Variants in DHX36 observed in about 807,000 individuals in gnomAD.
DHX36 encodes DEAH-box helicase 36, also known as ATP-dependent DNA/RNA helicase DHX36.
A neutral mutation model predicts 139.0 loss-of-function variants in DHX36; 50 were observed. That is an observed-to-expected ratio of 0.36 (90% CI 0.29 to 0.46). The LOEUF (loss-of-function observed/expected upper bound fraction) is 0.46, where lower values mean the gene tolerates loss of function less well. DHX36 is among the 20% of genes least tolerant of loss of function. DHX36 has a pLI of 1.00. For missense variants in DHX36, 1,024 were observed against 1,211.3 expected, an observed-to-expected ratio of 0.85 and a Z score of 2.29; for synonymous variants, 425 against 401.9, an observed-to-expected ratio of 1.06 and a Z score of -0.69.
At chr3:154,277,989 A>T (rs1291806411) in intron 22 of DHX36, 1 of 238,524 alleles carries the variant, frequency 4.2e-6, no homozygotes, top group African/African-American at 2.2e-5. Context: ...TGCAGGTATA[A>T]TTACTCAACA....
chr3:154,282,128 T>C (rs1311373142), intron 20 of DHX36, among the ~76,000 whole-genome samples: 1 of 152,180 alleles, frequency 6.6e-6, no homozygotes, highest in African/African-American at 2.4e-5. Context: ...CATTTCATTA[T>C]TTCCATTTCA....
At chr3:154,322,987 C>T (rs1254404072) in intron 1 of DHX36, among the ~76,000 whole-genome samples, 1 of 152,098 alleles carries the variant, frequency 6.6e-6, no homozygotes, top group African/African-American at 2.4e-5. Flanking sequence ...CCCCAAAACA[C>T]CTGAATGAAC....
intron 12 of DHX36, among the ~76,000 whole-genome samples, chr3:154,298,433 C>T (rs1712129448): frequency 6.6e-6 from 1 of 151,930 alleles, no homozygotes; most frequent in African/African-American, 2.4e-5. Context: ...AGTTATCACA[C>T]AAAAAGAAAA....
At chr3:154,293,988 A>G (rs1462729202) in intron 13 of DHX36, among the ~76,000 whole-genome samples, 176 bp from the exon 14 acceptor site, 1 of 152,226 alleles carries the variant, frequency 6.6e-6, no homozygotes, top group Non-Finnish European at 1.5e-5. Context: ...TTTCAATATT[A>G]CAAAATTATC....
Position 154,272,643 on chromosome 3 carries a change from A to T in DHX36, c.*3528T>A, listed in dbSNP as rs1435039736. 1 of 151,784 alleles carries T rather than the reference A, an allele frequency of 6.6e-6. No individual in the cohort carries two copies. The highest frequency in any genetic ancestry group is 1.5e-5 in the Non-Finnish European group (1 of 67,934). The allele number at this position is 151,784 out of a possible 1,614,324, so 9.4% of individuals were successfully genotyped here. ...TATATCAAAATGGAACAATGGTAAC[A>T]TGATTTACTTTGCTACATTTCCAAA... On this transcript the variant is annotated 3_prime_UTR_variant, in exon 25 of 25. Transcript: ENST00000496811.
intron 14 of DHX36, among the ~76,000 whole-genome samples, chr3:154,293,292 A>T (rs1341805263): frequency 6.6e-6 from 1 of 152,166 alleles, no homozygotes; most frequent in Non-Finnish European, 1.5e-5. Flanking sequence ...AAACCCCCAC[A>T]AAACTGGCCA....
In DHX36 at chr3:154,277,049, C is replaced by A. The variant is rs1041756284; in HGVS notation, c.2689-150G>T. On this transcript the variant is annotated intron_variant, in intron 23 of 24. Transcript: ENST00000496811. ...AATTACAGAGATTTGTAAGAAATACCATTTTAAATGAGCCATCTTCATTAT... is the reference window on the plus strand; with the variant it reads ...AATTACAGAGATTTGTAAGAAATACAATTTTAAATGAGCCATCTTCATTAT... 8.4e-6 allele frequency: 6 copies of A among 712,574 alleles called. No individual in the cohort carries two copies. In the Admixed American group the frequency reaches 2.2e-4, roughly 27 times the overall value. 44.1% of individuals were successfully genotyped at this position (712,574 alleles called of 1,614,324 possible).
chr3:154,289,820 T>C lies in DHX36; in HGVS notation c.1821A>G (p.Gln607=), dbSNP rs772959037. 6.3e-7 allele frequency: 1 copy of C among 1,577,684 alleles called. No individual in the cohort carries two copies. The highest frequency in any genetic ancestry group is 1.4e-5 in the African/African-American group (1 of 72,902). The change falls in exon 16 of 25, where the codon CAA becomes CAG. Residue 607 remains glutamine, a synonymous_variant. Coordinates refer to ENST00000496811, the MANE Select transcript of DHX36 (RefSeq NM_020865.3). ...KQRKGRAGRV[Q]PGHCYHLYNG... The stretch of plus-strand genomic sequence containing the variant: ...TATACAGATGATAGCAATGACCAGG[T>C]TGAACTCTTAAAAAAAAAACAAAAC...
chr3:154,322,272 G>A (rs973031044), intron 1 of DHX36, among the ~76,000 whole-genome samples: 1 of 152,220 alleles, frequency 6.6e-6, no homozygotes, highest in Non-Finnish European at 1.5e-5. Flanking sequence ...AGATGCAACT[G>A]AAATATATCA....
chr3:154,276,734 T>C lies in DHX36; in HGVS notation c.2841+13A>G. 1 of 1,612,600 alleles carries C rather than the reference T, an allele frequency of 6.2e-7. No homozygotes were observed. The highest frequency in any genetic ancestry group is 8.5e-7 in the Non-Finnish European group (1 of 1,179,122). On this transcript the variant is annotated intron_variant, in intron 24 of 24. Coordinates refer to ENST00000496811, the MANE Select transcript of DHX36 (RefSeq NM_020865.3). ...TACATGTAGATTTAAGATAATCACATAAAGTCAGTCACCTTAACAAGATGG... is the reference window on the plus strand; with the variant it reads ...TACATGTAGATTTAAGATAATCACACAAAGTCAGTCACCTTAACAAGATGG...
Position 154,273,550 on chromosome 3 carries a change from G to GA in DHX36, c.*2620dup, listed in dbSNP as rs1719057392. The GA allele has an allele frequency of 6.6e-6, 1 of 152,214 alleles. No homozygotes were observed. The highest frequency in any genetic ancestry group is 2.4e-5 in the African/African-American group (1 of 41,462). The allele number at this position is 152,214 out of a possible 1,614,324, so 9.4% of individuals were successfully genotyped here. A position where few individuals can be genotyped will look rare whatever the true frequency, so the allele number is the denominator to read the frequency against. On this transcript the variant is annotated 3_prime_UTR_variant, in exon 25 of 25. Transcript: ENST00000496811. ...ACAAACAGAAACTCTTACAGAGCAA[G>GA]AAAGACCAGATGGTCACCTCGACGT...
At chr3:154,292,434 G>T in intron 15 of DHX36, 117 bp downstream of exon 15, 2 of 1,406,272 alleles carry the variant, frequency 1.4e-6, no homozygotes, top group Non-Finnish European at 2.0e-6. Flanking sequence ...TTTGCAATAA[G>T]CTCAAAATAA....
intron 11 of DHX36, 119 bp downstream of exon 11, chr3:154,300,475 T>C: frequency 1.3e-6 from 1 of 773,696 alleles, no homozygotes; most frequent in Non-Finnish European, 2.1e-6. Flanking sequence ...ATTTCTAGTA[T>C]CAAAAGTAAT....
chr3:154,305,141 G>C lies in DHX36; in HGVS notation c.921C>G (p.Ile307Met). ...QSRLPRKQGSILYCTTGIILQ... is the reference protein window; with the variant it reads ...QSRLPRKQGSMLYCTTGIILQ... ...GGATGATTCCTGTTGTACAGTATAAGATAGAACCCTGTTTCCTTGGCAACC... is the reference window on the plus strand; with the variant it reads ...GGATGATTCCTGTTGTACAGTATAACATAGAACCCTGTTTCCTTGGCAACC... The change falls in exon 7 of 25, where the codon ATC becomes ATG. Residue 307 changes from isoleucine (I) to methionine (M), a missense_variant. Transcript: ENST00000496811. The C allele has an allele frequency of 1.2e-6, 2 of 1,613,286 alleles. No homozygotes were observed. The highest frequency in any genetic ancestry group is 1.7e-6 in the Non-Finnish European group (2 of 1,179,826).
chr3:154,297,131 G>A (rs953749629), intron 12 of DHX36, among the ~76,000 whole-genome samples: 2 of 152,144 alleles, frequency 1.3e-5, no homozygotes, highest in African/African-American at 4.8e-5. Flanking sequence ...GAGTGGAGGG[G>A]AGCAATGTTC....
At chr3:154,288,164 AAAAAAGAGGAAAAAG>A (rs1258322256) in intron 17 of DHX36, among the ~76,000 whole-genome samples, 1 of 151,180 alleles carries the variant, frequency 6.6e-6, no homozygotes, top group African/African-American at 2.4e-5. Context: ...AAAAAAAAAA[AAAAAAGAGGAAAAAG>A]AAAAAAAACC....
rs762621808 is a variant in DHX36, at chr3:154,297,675, A to C, written c.1549+2163T>G. Among the ~76,000 whole-genome samples the C allele has an allele frequency of 8.1e-3, 1,225 of 151,332 alleles. 6 individuals are homozygous for C. The highest frequency in any genetic ancestry group is 0.014 in the Middle Eastern group (4 of 294). On this transcript the variant is annotated intron_variant, in intron 12 of 24. Transcript: ENST00000496811. Reference sequence around the variant, plus strand: ...CAGTGAGCTGAGATCGTGCCACTGCACTCCAGCCTGGGAAACAGAGCGAGA... The same window carrying C: ...CAGTGAGCTGAGATCGTGCCACTGCCCTCCAGCCTGGGAAACAGAGCGAGA...
chr3:154,297,782 C>T (rs896138071), intron 12 of DHX36, among the ~76,000 whole-genome samples: 1 of 151,228 alleles, frequency 6.6e-6, no homozygotes. Context: ...AAAAGTTAGC[C>T]AGGGATAATA....
chr3:154,304,520 A>G (rs1712426200), intron 8 of DHX36, among the ~76,000 whole-genome samples: 1 of 152,206 alleles, frequency 6.6e-6, no homozygotes, highest in South Asian at 2.1e-4. Context: ...AAAACAACAG[A>G]AAGAAGTTTA....
Sources: gnomAD v4.1 joint callset for allele counts (sites outside exome capture counted in the v4.1 genomes callset) on GRCh38, gnomAD v4.1.1 for gene constraint, MANE v1.5 for transcripts, NCBI Gene and HGNC (gene_info 2026-07-23, HGNC 2026-07-21) for gene names.